The following HACD4 variants were observed in gnomAD, a reference collection of about 807,000 sequenced individuals.
HACD4 encodes 3-hydroxyacyl-CoA dehydratase 4.
HACD4 carries 35 observed loss-of-function variants against 33.3 expected under a neutral mutation model. That is an observed-to-expected ratio of 1.05 (90% CI 0.80 to 1.39). HACD4 has a LOEUF of 1.39. HACD4 is among the 40% of genes most tolerant of loss of function. The pLI, the probability that HACD4 is intolerant of heterozygous loss-of-function variation, is 0.00. For missense variants in HACD4, 323 were observed against 276.5 expected, an observed-to-expected ratio of 1.17 and a Z score of -1.19; for synonymous variants, 118 against 98.0, an observed-to-expected ratio of 1.20 and a Z score of -1.21.
At chr9:21,031,148 T>A (rs914666722) in intron 1 of HACD4, among the ~76,000 whole-genome samples, 1 of 152,186 alleles carries the variant, frequency 6.6e-6, no homozygotes, top group Admixed American at 6.5e-5. Context: ...ACTGAATCTG[T>A]TCCCCGCCGG....
intron 1 of HACD4, among the ~76,000 whole-genome samples, chr9:21,030,741 G>C (rs908030411): frequency 6.6e-6 from 1 of 152,180 alleles, no homozygotes; most frequent in Non-Finnish European, 1.5e-5. Flanking sequence ...GATACATATC[G>C]AAAGCAGTTT....
At chr9:21,013,532 T>G (rs915768370) in intron 4 of HACD4, among the ~76,000 whole-genome samples, 4 of 152,228 alleles carry the variant, frequency 2.6e-5, no homozygotes, top group Non-Finnish European at 5.9e-5. Context: ...CTTCTCAATT[T>G]CTGCAATGAA....
intron 5 of HACD4, 97 bp downstream of exon 5, chr9:21,011,492 C>G (rs955625107): frequency 1.3e-5 from 10 of 755,884 alleles, no homozygotes; most frequent in Non-Finnish European, 2.3e-5. Context: ...GCTAAGCATT[C>G]GCAAAAATAG....
chr9:21,028,541 C>T lies in HACD4; in HGVS notation c.142+754G>A, dbSNP rs140034026. Among the ~76,000 whole-genome samples, 347 of 152,314 alleles carry T rather than the reference C, an allele frequency of 2.3e-3. 9 individuals carry two copies. The East Asian group carries it at 0.043, about 19-fold the overall frequency. ...AATAACTTCCTTATGATACACACGTCTGAAATGATGAGCACAGCATGACTT... is the reference window on the plus strand; with the variant it reads ...AATAACTTCCTTATGATACACACGTTTGAAATGATGAGCACAGCATGACTT... On this transcript the variant is annotated intron_variant, in intron 2 of 6. Coordinates refer to ENST00000495827, the MANE Select transcript of HACD4 (RefSeq NM_001010915.5).
At chr9:21,031,376 C>G (rs1223711698) in intron 1 of HACD4, 177 bp downstream of exon 1, 4 of 819,990 alleles carry the variant, frequency 4.9e-6, no homozygotes, top group Non-Finnish European at 5.9e-6. Flanking sequence ...CTAGGGTGGT[C>G]AAGAGGGGTA....
intron 3 of HACD4, among the ~76,000 whole-genome samples, chr9:21,026,281 C>G (rs1587840073): frequency 2.0e-5 from 3 of 152,340 alleles, no homozygotes; most frequent in Admixed American, 2.0e-4. Flanking sequence ...GTCTCCAGTC[C>G]TATGCCTTAT....
intron 5 of HACD4, among the ~76,000 whole-genome samples, chr9:21,010,324 A>C (rs2132769949): frequency 6.6e-6 from 1 of 152,192 alleles, no homozygotes; most frequent in African/African-American, 2.4e-5. Flanking sequence ...TTTGATCTTA[A>C]GTTTTAGGTT....
Position 21,004,627 on chromosome 9 carries a change from C to G in HACD4, c.*2410G>C, listed in dbSNP as rs951480682. On this transcript the variant is annotated 3_prime_UTR_variant, in exon 7 of 7. Coordinates refer to ENST00000495827, the MANE Select transcript of HACD4 (RefSeq NM_001010915.5). This position sits in a 1 kb window ranked among gnomAD's most constrained non-coding sequence, Gnocchi z 4.6. ...GGAACCTCATCAGGAACTTAATTGT[C>G]TAGCACCTTTATCTTGGACTTCCCT... The G allele has an allele frequency of 6.5e-6, 1 of 152,700 alleles. No individual in the cohort carries two copies. The highest frequency in any genetic ancestry group is 2.4e-5 in the African/African-American group (1 of 41,450). 9.5% of individuals were successfully genotyped at this position (152,700 alleles called of 1,614,324 possible).
intron 2 of HACD4, among the ~76,000 whole-genome samples, chr9:21,028,151 A>AG (rs398010457): frequency 1.3e-5 from 2 of 150,446 alleles, no homozygotes; most frequent in Non-Finnish European, 3.0e-5. Context: ...AAAAAAAAAA[A>AG]GAAAAAAGAA....
intron 6 of HACD4, 94 bp downstream of exon 6, chr9:21,007,927 C>T (rs1842309102): frequency 8.5e-7 from 1 of 1,172,920 alleles, no homozygotes; most frequent in Non-Finnish European, 1.2e-6. Context: ...TTTGGTCTCT[C>T]CCATGTTTAC....
Position 21,026,732 on chromosome 9 carries a change from C to A in HACD4, c.143-9G>T, listed in dbSNP as rs772429989. The stretch of plus-strand genomic sequence containing the variant: ...AGTGTCAACCATTGAATCTGTATCC[C>A]GTGGGTTAAAAATGCAGATATAGGA... On this transcript the variant is annotated splice_polypyrimidine_tract_variant and intron_variant, in intron 2 of 6. Coordinates refer to ENST00000495827, the MANE Select transcript of HACD4 (RefSeq NM_001010915.5). 1 of 1,609,642 alleles carries A rather than the reference C, an allele frequency of 6.2e-7. No homozygotes were observed. The highest frequency in any genetic ancestry group is 1.3e-5 in the African/African-American group (1 of 74,696).
In HACD4 at chr9:21,005,178, C is replaced by G. The variant is rs1842239858; in HGVS notation, c.*1859G>C. ...GTTTTGTGGAAAGTAAAATTGTGAG[C>G]CATGAAATTAGATATTGAACTGAAG... is the stretch of plus-strand genomic sequence containing the variant. On this transcript the variant is annotated 3_prime_UTR_variant, in exon 7 of 7. Coordinates refer to ENST00000495827, the MANE Select transcript of HACD4 (RefSeq NM_001010915.5). This position sits in a 1 kb window ranked among gnomAD's most constrained non-coding sequence, Gnocchi z 4.0. The G allele has an allele frequency of 6.6e-6, 1 of 152,058 alleles. No homozygotes were observed. Among genetic ancestry groups the G allele is most frequent in the South Asian group, 2.1e-4 (1 of 4,818 alleles). 9.4% of individuals were successfully genotyped at this position (152,058 alleles called of 1,614,324 possible). A position where few individuals can be genotyped will look rare whatever the true frequency, so the allele number is the denominator to read the frequency against.
At chr9:21,014,631 G>A (rs185628537) in intron 4 of HACD4, among the ~76,000 whole-genome samples, 60 of 152,242 alleles carry the variant, frequency 3.9e-4, no homozygotes, top group African/African-American at 1.4e-3. Context: ...TAGGATAGTA[G>A]TGATGATTGC....
At position 21,001,895 on chromosome 9, in the gene HACD4, G is replaced by C. The variant is rs1842171722; in HGVS notation, c.*5142C>G. 6.6e-6 allele frequency: 1 copy of C among 152,060 alleles called. No individual in the cohort carries two copies. Among genetic ancestry groups the C allele is most frequent in the Non-Finnish European group, 1.5e-5 (1 of 67,964 alleles). 9.4% of individuals were successfully genotyped at this position (152,060 alleles called of 1,614,324 possible). ...AATAGGGGTCCTGCAAGTTGAAATG[G>C]AAAGACACTAAACAGCAACTCAAAG... On this transcript the variant is annotated 3_prime_UTR_variant, in exon 7 of 7. Transcript: ENST00000495827.
rs113510937 is a variant in HACD4, at chr9:21,026,687, A to C, written c.179T>G (p.Val60Gly). 6.2e-7 allele frequency: 1 copy of C among 1,613,478 alleles called. No homozygotes were observed. Among genetic ancestry groups the C allele is most frequent in the African/African-American group, 1.3e-5 (1 of 75,044 alleles). The part of the protein sequence containing the change: ...MVDTFYAIGL[V>G]MRLCQSVSLL... ...AGATACGGATTGGCAAAGTCGCATC[A>C]CAAGTCCAATAGCATAAAAAGTGTC... The change falls in exon 3 of 7, where the codon GTG becomes GGG. Residue 60 changes from valine to glycine, a missense_variant. By Grantham distance (109) the Val-to-Gly change is moderately radical. Transcript: ENST00000495827.
intron 3 of HACD4, among the ~76,000 whole-genome samples, chr9:21,023,939 A>G (rs10738575): frequency 0.61 from 92,216 of 152,114 alleles, 28,604 homozygotes; most frequent in South Asian, 0.69. Flanking sequence ...ATGGTTTTTT[A>G]GCTTACTTAA....
At chr9:21,014,623 G>C (rs1266215587) in intron 4 of HACD4, among the ~76,000 whole-genome samples, 2 of 152,040 alleles carry the variant, frequency 1.3e-5, no homozygotes, top group Non-Finnish European at 2.9e-5. Flanking sequence ...AAATGTTCTA[G>C]GATAGTAGTG....
Position 21,005,034 on chromosome 9 carries a change from A to G in HACD4, c.*2003T>C, listed in dbSNP as rs1030084507. On this transcript the variant is annotated 3_prime_UTR_variant, in exon 7 of 7. Transcript: ENST00000495827. This position sits in a 1 kb window ranked among gnomAD's most constrained non-coding sequence, Gnocchi z 4.0. ...GATAATGTTGGTAGACATGGACAAT[A>G]AAGGCCATTCTGATGAAGTCTCAAA... 32 of 152,184 alleles carry G rather than the reference A, an allele frequency of 2.1e-4. No homozygotes were observed. The highest frequency in any genetic ancestry group is 7.0e-4 in the African/African-American group (29 of 41,458). 9.4% of individuals were successfully genotyped at this position (152,184 alleles called of 1,614,324 possible).
chr9:21,028,500 G>A (rs1270873929), intron 2 of HACD4, among the ~76,000 whole-genome samples: 1 of 152,166 alleles, frequency 6.6e-6, no homozygotes, highest in Non-Finnish European at 1.5e-5. Context: ...AATAGCTTAT[G>A]GGACCCTGCA....
Sources: allele counts gnomAD v4.1 joint callset (sites outside exome capture counted in the v4.1 genomes callset), GRCh38; gene constraint gnomAD v4.1.1; non-coding constraint Gnocchi (gnomAD v3.1); transcripts MANE v1.5; gene names NCBI Gene and HGNC (gene_info 2026-07-23, HGNC 2026-07-21).